UVRAG: variants seen among roughly 807,000 people sequenced by gnomAD.
The protein encoded by UVRAG is UV radiation resistance-associated gene protein.
A neutral mutation model predicts 78.0 loss-of-function variants in UVRAG; 19 were observed. That is an observed-to-expected ratio of 0.24 (90% CI 0.17 to 0.36). The LOEUF is 0.36. Among genes scored for constraint, UVRAG ranks in the 10% least tolerant of loss-of-function variants. The probability of loss-of-function intolerance (pLI) is 1.00; values close to 1 mark genes in which losing one functional copy is unlikely to be tolerated. For missense variants in UVRAG, 740 were observed against 853.8 expected (o/e 0.87, Z 1.66); for synonymous variants, 323 against 324.6 (o/e 1.00, Z 0.05).
intron 13 of UVRAG, among the ~76,000 whole-genome samples, chr11:76,075,790 T>C (rs1281943958): frequency 1.3e-5 from 2 of 152,198 alleles, no homozygotes; most frequent in African/African-American, 4.8e-5. Flanking sequence ...GCCTACTTTC[T>C]GTTTCTATAG....
At chr11:76,011,933 T>C (rs1194542520) in intron 11 of UVRAG, among the ~76,000 whole-genome samples, 2 of 152,190 alleles carry the variant, frequency 1.3e-5, no homozygotes, top group Admixed American at 6.5e-5. Flanking sequence ...GGAAAACTTT[T>C]ATAGAGAAGA....
intron 14 of UVRAG, among the ~76,000 whole-genome samples, chr11:76,123,184 C>T (rs997704375): frequency 6.6e-6 from 1 of 152,172 alleles, no homozygotes; most frequent in Non-Finnish European, 1.5e-5. Context: ...TCTAGTGCCT[C>T]CTACCTTCCT....
At chr11:75,823,893 A>C (rs1271517302) in intron 1 of UVRAG, among the ~76,000 whole-genome samples, 1 of 152,232 alleles carries the variant, frequency 6.6e-6, no homozygotes, top group African/African-American at 2.4e-5. Context: ...GAGAACAAGG[A>C]AAGATTGGAT....
At chr11:75,893,037 G>T (rs994709478) in intron 5 of UVRAG, among the ~76,000 whole-genome samples, 1 of 151,958 alleles carries the variant, frequency 6.6e-6, no homozygotes, top group African/African-American at 2.4e-5. Flanking sequence ...AATTAGCCAG[G>T]CATAGTGGCG....
At chr11:75,984,443 T>G (rs1047524066) in intron 8 of UVRAG, among the ~76,000 whole-genome samples, 1 of 152,258 alleles carries the variant, frequency 6.6e-6, no homozygotes, top group Non-Finnish European at 1.5e-5. Context: ...TAGGCTAGGC[T>G]AAGGTTTCAT....
At chr11:75,817,681 G>T (rs1945287987) in intron 1 of UVRAG, among the ~76,000 whole-genome samples, 1 of 152,124 alleles carries the variant, frequency 6.6e-6, no homozygotes, top group Non-Finnish European at 1.5e-5. Flanking sequence ...AAAGTACACA[G>T]ATTATCAGTA....
chr11:76,136,404 A>G (rs1447820147), intron 14 of UVRAG, among the ~76,000 whole-genome samples: 1 of 152,174 alleles, frequency 6.6e-6, no homozygotes, highest in African/African-American at 2.4e-5. Flanking sequence ...CAGTGAAGCA[A>G]CCATTTAGAA....
chr11:75,853,859 G>A lies in UVRAG; in HGVS notation c.235+1859G>A, dbSNP rs184113341. 1.4e-4 allele frequency among the ~76,000 whole-genome samples: 22 copies of A among 151,894 alleles called. 1 individual carries two copies. In the East Asian group the frequency reaches 4.3e-3, roughly 29 times the overall value. ...GCAATCTTGGCTCATTGCAACCTCT[G>A]CCTCCTGGGTTCAAGCAATTCTCCT... On this transcript the variant is annotated intron_variant, in intron 2 of 14. Coordinates refer to ENST00000356136, the MANE Select transcript of UVRAG (RefSeq NM_003369.4).
At chr11:76,123,596 A>C (rs1039506868) in intron 14 of UVRAG, among the ~76,000 whole-genome samples, 6 of 152,124 alleles carry the variant, frequency 3.9e-5, no homozygotes, top group African/African-American at 1.4e-4. Flanking sequence ...GGATTTTTTT[A>C]TTCTAAGTTT....
Position 76,004,024 on chromosome 11 carries a change from G to A in UVRAG, c.846G>A (p.Glu282=). 1.2e-6 allele frequency: 2 copies of A among 1,613,946 alleles called. No individual in the cohort carries two copies. The highest frequency in any genetic ancestry group is 2.2e-5 in the South Asian group (2 of 91,076). Residue 282 remains glutamate (E), a synonymous_variant, in exon 9 of 15, where the codon GAG becomes GAA. Transcript: ENST00000356136. The part of the protein sequence containing the change: ...LQDKGSAFSA[E]HLKLQLQKES... ...TTCTAGGAAGTGCATTTTCAGCTGA[G>A]CACCTCAAACTTCAACTCCAGAAGG...
intron 13 of UVRAG, among the ~76,000 whole-genome samples, chr11:76,081,792 A>G (rs1174343736): frequency 6.6e-6 from 1 of 152,202 alleles, no homozygotes; most frequent in African/African-American, 2.4e-5. Flanking sequence ...ATAATAGCTG[A>G]AGATTAGAAA....
At chr11:75,826,057 G>A (rs58245876) in intron 1 of UVRAG, among the ~76,000 whole-genome samples, 3,814 of 150,634 alleles carry the variant, frequency 0.025, 166 homozygotes, top group African/African-American at 0.089. Flanking sequence ...GGCTGGTCTC[G>A]AACTCCTGAC....
chr11:75,903,688 A>G (rs1410814928), intron 5 of UVRAG, among the ~76,000 whole-genome samples: 1 of 152,178 alleles, frequency 6.6e-6, no homozygotes, highest in East Asian at 1.9e-4. Context: ...AGCTTTTTAA[A>G]AAGCCTTTCT....
chr11:76,034,330 T>C (rs1315508723), intron 12 of UVRAG, among the ~76,000 whole-genome samples: 1 of 152,106 alleles, frequency 6.6e-6, no homozygotes, highest in Non-Finnish European at 1.5e-5. Flanking sequence ...TACCTGGGAT[T>C]ATAGTCTTAT....
chr11:75,929,770 G>T (rs1047823984), intron 6 of UVRAG, among the ~76,000 whole-genome samples: 7 of 152,274 alleles, frequency 4.6e-5, no homozygotes, highest in Admixed American at 2.0e-4. Context: ...CATGGGGCAG[G>T]TGTTAAATTT....
At chr11:76,004,162 C>A in intron 9 of UVRAG, 73 bp downstream of exon 9, 1 of 1,433,132 alleles carries the variant, frequency 7.0e-7, no homozygotes, top group Non-Finnish European at 9.8e-7. Context: ...AAGTAGCATT[C>A]TTTAAAGCTG....
chr11:75,968,507 T>C (rs1949066869), intron 7 of UVRAG, among the ~76,000 whole-genome samples: 1 of 152,202 alleles, frequency 6.6e-6, no homozygotes, highest in Non-Finnish European at 1.5e-5. Flanking sequence ...TGGTTTTGAA[T>C]GACTTGATAT....
rs117825248 is a variant in UVRAG at position 76,103,413 on chromosome 11, A to G, written c.1306-12511A>G. ...TGATACCCAATCACACCTTTCACGT[A>G]TATTTATTACATATCTAATGAATTC... On this transcript the variant is annotated intron_variant, in intron 13 of 14. Coordinates refer to ENST00000356136, the MANE Select transcript of UVRAG (RefSeq NM_003369.4). 1.1e-3 allele frequency among the ~76,000 whole-genome samples: 172 copies of G among 152,168 alleles called. 1 individual carries two copies. The East Asian group carries it at 0.027, about 24-fold the overall frequency.
intron 14 of UVRAG, among the ~76,000 whole-genome samples, chr11:76,139,295 C>T (rs930543125): frequency 3.3e-5 from 5 of 152,122 alleles, no homozygotes; most frequent in African/African-American, 1.2e-4. Flanking sequence ...GTGGAAGAAA[C>T]CCCAGATCTC....
Sources: allele counts gnomAD v4.1 joint callset (sites outside exome capture counted in the v4.1 genomes callset), GRCh38; gene constraint gnomAD v4.1.1; transcripts MANE v1.5; gene names NCBI Gene and HGNC (gene_info 2026-07-23, HGNC 2026-07-21).